Variants in CSMD3 observed in about 807,000 individuals in gnomAD.
The protein encoded by CSMD3 is CUB and sushi domain-containing protein 3.
In CSMD3, 177 loss-of-function variants were observed where a neutral mutation model predicts 435.2. The ratio of observed to expected loss-of-function variants is 0.41; its 90% confidence interval spans 0.36 to 0.46. The LOEUF is 0.46. CSMD3 is among the 20% of genes least tolerant of loss of function. CSMD3 has a pLI of 0.34. For missense variants in CSMD3, 4,265 were observed against 4,504.6 expected, an observed-to-expected ratio of 0.95 and a Z score of 1.52; for synonymous variants, 1,656 against 1,520.5, an observed-to-expected ratio of 1.09 and a Z score of -2.07.
intron 4 of CSMD3, among the ~76,000 whole-genome samples, chr8:113,106,471 T>C (rs2090480849): frequency 6.6e-6 from 1 of 152,136 alleles, no homozygotes; most frequent in African/African-American, 2.4e-5. Flanking sequence ...ATATCCCCTA[T>C]AGGAAAATAC....
chr8:112,922,649 C>T (rs762999916), intron 9 of CSMD3, among the ~76,000 whole-genome samples: 25 of 151,928 alleles, frequency 1.6e-4, no homozygotes, highest in Non-Finnish European at 2.1e-4. Context: ...CTGTGCCTGG[C>T]TCAATTCGCA....
intron 31 of CSMD3, among the ~76,000 whole-genome samples, chr8:112,485,067 C>A (rs1201339770): frequency 6.6e-6 from 1 of 152,100 alleles, no homozygotes; most frequent in East Asian, 1.9e-4. Flanking sequence ...ATTCTCTAGA[C>A]TAGCATCCAG....
At chr8:113,246,755 C>T (rs10955654) in intron 3 of CSMD3, among the ~76,000 whole-genome samples, 55,968 of 151,890 alleles carry the variant, frequency 0.37, 11,143 homozygotes, top group African/African-American at 0.52. Context: ...TGGTGTTTGC[C>T]ATTTATTTGT....
chr8:112,489,309 C>T (rs941777559), intron 31 of CSMD3, among the ~76,000 whole-genome samples: 1 of 152,058 alleles, frequency 6.6e-6, no homozygotes, highest in African/African-American at 2.4e-5. Context: ...CCTGTAGTCC[C>T]AGATACCTGA....
chr8:113,014,330 T>C (rs2086370495), intron 6 of CSMD3, among the ~76,000 whole-genome samples: 4 of 152,090 alleles, frequency 2.6e-5, no homozygotes, highest in Admixed American at 1.3e-4. Context: ...GAGACTCCAT[T>C]CTCTGTAATA....
In CSMD3 at chr8:112,645,095, A is replaced by C. The variant is rs186019297; in HGVS notation, c.3310+14T>G. On this transcript the variant is annotated intron_variant, in intron 20 of 70. Coordinates refer to ENST00000297405, the MANE Select transcript of CSMD3 (RefSeq NM_198123.2). ...CAGAAGATAGTCCAATTATTATTTC[A>C]TGAGGCAAATTACCTTTTCCATGGG... The C allele has an allele frequency of 1.8e-5, 22 of 1,205,028 alleles. No homozygotes were observed. Among genetic ancestry groups the C allele is most frequent in the Non-Finnish European group, 2.6e-5 (21 of 806,504 alleles). The allele number at this position is 1,205,028 out of a possible 1,614,324, so 74.6% of individuals were successfully genotyped here.
At chr8:112,928,942 A>G (rs1280632389) in intron 9 of CSMD3, among the ~76,000 whole-genome samples, 22 of 129,250 alleles carry the variant, frequency 1.7e-4, no homozygotes, top group Non-Finnish European at 3.3e-4. Context: ...CATCCTCTCC[A>G]GCACCTGTTG....
intron 13 of CSMD3, among the ~76,000 whole-genome samples, chr8:112,731,983 T>C (rs2077085184): frequency 1.3e-5 from 2 of 152,214 alleles, no homozygotes; most frequent in South Asian, 4.1e-4. Flanking sequence ...GCCAGCAACA[T>C]CATAATTCTG....
chr8:112,414,351 G>A (rs2123491), intron 32 of CSMD3, among the ~76,000 whole-genome samples: 3,096 of 152,122 alleles, frequency 0.02, 105 homozygotes, highest in African/African-American at 0.07. Flanking sequence ...CATGAAATAT[G>A]ATGGCTTTAT....
chr8:113,255,861 C>T (rs117450413), intron 3 of CSMD3, among the ~76,000 whole-genome samples: 4,491 of 151,538 alleles, frequency 0.03, 88 homozygotes, highest in Admixed American at 0.04. Context: ...AACAGTGAAC[C>T]GTTTTACATC....
At chr8:112,740,226 T>C (rs1337326662) in intron 13 of CSMD3, among the ~76,000 whole-genome samples, 1 of 151,854 alleles carries the variant, frequency 6.6e-6, no homozygotes, top group Non-Finnish European at 1.5e-5. Flanking sequence ...CGTCAATATA[T>C]ACTGCCAAGT....
intron 10 of CSMD3, among the ~76,000 whole-genome samples, chr8:112,916,864 C>T (rs1314407807): frequency 6.6e-6 from 1 of 151,834 alleles, no homozygotes; most frequent in Non-Finnish European, 1.5e-5. Context: ...AATATGGGTG[C>T]AGTGGGTCAC....
At chr8:113,212,479 C>T (rs979030993) in intron 3 of CSMD3, among the ~76,000 whole-genome samples, 1 of 152,140 alleles carries the variant, frequency 6.6e-6, no homozygotes, top group Non-Finnish European at 1.5e-5. Flanking sequence ...AGACTGGATA[C>T]ATACTGAACT....
At chr8:112,812,613 T>C (rs1189138641) in intron 12 of CSMD3, among the ~76,000 whole-genome samples, 1 of 152,214 alleles carries the variant, frequency 6.6e-6, no homozygotes, top group Non-Finnish European at 1.5e-5. Flanking sequence ...TATGCCTCTC[T>C]GTTGAATTAT....
chr8:112,857,304 G>C (rs772010870), intron 11 of CSMD3, among the ~76,000 whole-genome samples: 1 of 151,738 alleles, frequency 6.6e-6, no homozygotes, highest in African/African-American at 2.4e-5. Flanking sequence ...ATTTGCATTT[G>C]TTGGAGAAAA....
chr8:112,950,168 C>T (rs1279524920), intron 8 of CSMD3, among the ~76,000 whole-genome samples: 1 of 151,640 alleles, frequency 6.6e-6, no homozygotes, highest in East Asian at 1.9e-4. Flanking sequence ...TTTTAATATA[C>T]CTATTTAATA....
rs2074736299 is a variant in CSMD3, at chr8:112,638,790, T to A, written c.3432A>T (p.Thr1144=). 1 of 1,612,680 alleles carries A rather than the reference T, an allele frequency of 6.2e-7. No homozygotes were observed. Among genetic ancestry groups the A allele is most frequent in the African/African-American group, 1.3e-5 (1 of 74,790 alleles). Residue 1144 remains threonine, a synonymous_variant, in exon 21 of 71, where the codon ACA becomes ACT. Coordinates refer to ENST00000297405, the MANE Select transcript of CSMD3 (RefSeq NM_198123.2). The part of the protein sequence containing the change: ...ARLTGSDLPP[T]INAGLYGNFR... Reference sequence around the variant, plus strand: ...AATTTCCATAGAGACCAGCATTGATTGTTGGAGGAAGATCTGAACCAGTCA... The same window carrying A: ...AATTTCCATAGAGACCAGCATTGATAGTTGGAGGAAGATCTGAACCAGTCA...
intron 27 of CSMD3, among the ~76,000 whole-genome samples, chr8:112,519,299 C>A (rs1038047993): frequency 6.6e-6 from 1 of 152,144 alleles, no homozygotes; most frequent in Non-Finnish European, 1.5e-5. Flanking sequence ...AGGGTCTTAA[C>A]AACCTTGTTG....
At chr8:113,207,805 G>T (rs1040185767) in intron 3 of CSMD3, among the ~76,000 whole-genome samples, 3 of 152,110 alleles carry the variant, frequency 2.0e-5, no homozygotes, top group African/African-American at 7.2e-5. Flanking sequence ...TCCAGGCAAA[G>T]ATAAACAACA....
Sources: gnomAD v4.1 joint callset for allele counts (sites outside exome capture counted in the v4.1 genomes callset) on GRCh38, gnomAD v4.1.1 for gene constraint, MANE v1.5 for transcripts, NCBI Gene and HGNC (gene_info 2026-07-23, HGNC 2026-07-21) for gene names.